Variants in GPC5 observed in about 807,000 individuals in gnomAD.
The protein encoded by GPC5 is glypican-5.
GPC5 carries 47 observed loss-of-function variants against 53.9 expected under a neutral mutation model. That is an observed-to-expected ratio of 0.87 (90% CI 0.69 to 1.11). The LOEUF (loss-of-function observed/expected upper bound fraction) is 1.11. Among genes scored for constraint, GPC5 ranks in the 50% most tolerant of loss-of-function variants. The probability of loss-of-function intolerance (pLI) is 0.00; values close to 1 mark genes in which losing one functional copy is unlikely to be tolerated. For missense variants in GPC5, 748 were observed against 713.1 expected, an observed-to-expected ratio of 1.05 and a Z score of -0.56; for synonymous variants, 286 against 263.3, an observed-to-expected ratio of 1.09 and a Z score of -0.84.
At chr13:92,630,817 A>G (rs1885211986) in intron 7 of GPC5, among the ~76,000 whole-genome samples, 1 of 152,158 alleles carries the variant, frequency 6.6e-6, no homozygotes, top group Non-Finnish European at 1.5e-5. Flanking sequence ...GTATTATGTC[A>G]GTCCTTATAT....
At chr13:91,981,543 C>T (rs551662114) in intron 6 of GPC5, among the ~76,000 whole-genome samples, 1 of 152,148 alleles carries the variant, frequency 6.6e-6, no homozygotes, top group Non-Finnish European at 1.5e-5. Flanking sequence ...CCCACCTCGG[C>T]CTCCCAAAGT....
chr13:91,500,622 T>C (rs957090000), intron 2 of GPC5, among the ~76,000 whole-genome samples: 5 of 152,200 alleles, frequency 3.3e-5, no homozygotes, highest in Non-Finnish European at 5.9e-5. Context: ...TAGACTGATA[T>C]TGGCCAATCC....
chr13:92,631,843 T>C (rs988826346), intron 7 of GPC5, among the ~76,000 whole-genome samples: 21 of 152,184 alleles, frequency 1.4e-4, no homozygotes, highest in Admixed American at 7.9e-4. Context: ...GTTTATTCAG[T>C]GCTTTCAAGA....
chr13:91,879,992 G>A (rs1359350252), intron 5 of GPC5, among the ~76,000 whole-genome samples: 3 of 151,878 alleles, frequency 2.0e-5, no homozygotes, highest in Non-Finnish European at 2.9e-5. Context: ...TATTTGCTTT[G>A]TAAAATGAAC....
rs527345697 is a variant in GPC5 at position 91,648,783 on chromosome 13, C to T, written c.326-44404C>T. On this transcript the variant is annotated intron_variant, in intron 2 of 7. Coordinates refer to ENST00000377067, the MANE Select transcript of GPC5 (RefSeq NM_004466.6). ...AATTTATTGAGCATCTTTCCTGTGC[C>T]AGGCATTGTGTGTGAGGACTGTGGA... Among the ~76,000 whole-genome samples, 45 of 152,210 alleles carry T rather than the reference C, an allele frequency of 3.0e-4. 1 individual carries two copies. The highest frequency in any genetic ancestry group is 1.0e-3 in the African/African-American group (42 of 41,532).
Position 91,853,287 on chromosome 13 carries a change from G to A in GPC5, c.1281-54650G>A, listed in dbSNP as rs115610835. Among the ~76,000 whole-genome samples the A allele has an allele frequency of 5.1e-3, 769 of 152,010 alleles. 3 individuals are homozygous for A. The highest frequency in any genetic ancestry group is 0.017 in the African/African-American group (723 of 41,490). On this transcript the variant is annotated intron_variant, in intron 5 of 7. Coordinates refer to ENST00000377067, the MANE Select transcript of GPC5 (RefSeq NM_004466.6). ...CATCTGGGGGTATAATGCTTGATGT[G>A]GATGAGACTTTTTCTTGGAAGAATT... is the stretch of plus-strand genomic sequence containing the variant.
At chr13:92,059,949 G>A (rs531076699) in intron 6 of GPC5, 2 of 151,280 alleles carry the variant, frequency 1.3e-5, no homozygotes, top group Non-Finnish European at 2.9e-5. Flanking sequence ...TTTGCTTTAC[G>A]TTGGTGCAAT....
At chr13:92,547,870 C>T (rs1882177682) in intron 7 of GPC5, among the ~76,000 whole-genome samples, 1 of 130,454 alleles carries the variant, frequency 7.7e-6, no homozygotes, top group Non-Finnish European at 1.5e-5. Flanking sequence ...CTCGCTGTCT[C>T]CCAGGCTGGA....
Position 92,135,222 on chromosome 13 carries a change from G to T in GPC5, c.1402-9608G>T, listed in dbSNP as rs560592629. Reference sequence around the variant, plus strand: ...CTGGAGTTGTTTTGCAAGGCAGGTTGTTTGCTTTTTCACAAATTTTTTTCA... The same window carrying T: ...CTGGAGTTGTTTTGCAAGGCAGGTTTTTTGCTTTTTCACAAATTTTTTTCA... On this transcript the variant is annotated intron_variant, in intron 6 of 7. Transcript: ENST00000377067. Among the ~76,000 whole-genome samples the T allele has an allele frequency of 1.2e-4, 19 of 152,122 alleles. No individual in the cohort carries two copies. The East Asian group carries it at 3.3e-3, about 26-fold the overall frequency.
In GPC5 at chr13:91,448,796, A is replaced by G. The variant is rs775250275; in HGVS notation, c.199A>G (p.Thr67Ala). 2 of 1,613,594 alleles carry G rather than the reference A, an allele frequency of 1.2e-6. No homozygotes were observed. The highest frequency in any genetic ancestry group is 1.7e-5 in the Admixed American group (1 of 59,932). Residue 67 changes from threonine to alanine, a missense_variant, in exon 2 of 8, where the codon ACA becomes GCA. Transcript: ENST00000377067. Reference sequence around the variant, plus strand: ...TCAGGTTTGCATATCCAAAAAGCCTACATGTTGCACCAGGAAGATGGAGGA... The same window carrying G: ...TCAGGTTTGCATATCCAAAAAGCCTGCATGTTGCACCAGGAAGATGGAGGA... ...DLQVCISKKP[T>A]CCTRKMEERY...
At chr13:92,081,743 T>C (rs1182357391) in intron 6 of GPC5, among the ~76,000 whole-genome samples, 2 of 152,182 alleles carry the variant, frequency 1.3e-5, no homozygotes, top group African/African-American at 2.4e-5. Context: ...GTGTGACACA[T>C]ATAAGAAAGT....
At chr13:91,469,214 T>C (rs1408213739) in intron 2 of GPC5, among the ~76,000 whole-genome samples, 1 of 152,122 alleles carries the variant, frequency 6.6e-6, no homozygotes, top group Non-Finnish European at 1.5e-5. Context: ...ATTCAAGTGA[T>C]TCTCATGCCT....
At chr13:91,542,850 A>ATTTTTTT (rs3055888) in intron 2 of GPC5, among the ~76,000 whole-genome samples, 2 of 68,228 alleles carry the variant, frequency 2.9e-5, no homozygotes, top group African/African-American at 5.3e-5. Flanking sequence ...TGCCCAGCCA[A>ATTTTTTT]TTTTTTTTTT....
At chr13:92,738,669 T>C (rs1199820939) in intron 7 of GPC5, among the ~76,000 whole-genome samples, 1 of 152,076 alleles carries the variant, frequency 6.6e-6, no homozygotes, top group Non-Finnish European at 1.5e-5. Flanking sequence ...CTTAAGACAG[T>C]TCTTTCTTTT....
intron 4 of GPC5, among the ~76,000 whole-genome samples, chr13:91,737,547 A>G (rs2036841795): frequency 6.6e-6 from 1 of 151,504 alleles, no homozygotes; most frequent in Non-Finnish European, 1.5e-5. Context: ...GTCTTTGCCA[A>G]CATAAATGAA....
At chr13:92,539,479 G>T (rs577004179) in intron 7 of GPC5, among the ~76,000 whole-genome samples, 1 of 152,182 alleles carries the variant, frequency 6.6e-6, no homozygotes, top group East Asian at 1.9e-4. Flanking sequence ...TTTGAAAAGT[G>T]TCTGTTCATA....
intron 5 of GPC5, among the ~76,000 whole-genome samples, chr13:91,878,078 A>G (rs1268860487): frequency 6.6e-6 from 1 of 152,136 alleles, no homozygotes; most frequent in East Asian, 1.9e-4. Context: ...CGTAAGTCCA[A>G]TTAAACTTCT....
intron 2 of GPC5, among the ~76,000 whole-genome samples, chr13:91,467,093 C>G (rs556351200): frequency 1.3e-5 from 2 of 152,150 alleles, no homozygotes; most frequent in Non-Finnish European, 2.9e-5. Flanking sequence ...TCATCTAGAG[C>G]TAGGACTGGA....
intron 7 of GPC5, among the ~76,000 whole-genome samples, chr13:92,694,033 G>A (rs1236803634): frequency 1.3e-5 from 2 of 152,208 alleles, no homozygotes; most frequent in Admixed American, 1.3e-4. Flanking sequence ...AGGGGCCCAG[G>A]TGCAACTGGG....
Sources: allele counts gnomAD v4.1 joint callset (sites outside exome capture counted in the v4.1 genomes callset), GRCh38; gene constraint gnomAD v4.1.1; transcripts MANE v1.5; gene names NCBI Gene and HGNC (gene_info 2026-07-23, HGNC 2026-07-21).